The following PTPRM variants were observed in gnomAD, a reference collection of about 807,000 sequenced individuals.
PTPRM encodes the protein receptor-type tyrosine-protein phosphatase mu.
PTPRM carries 47 observed loss-of-function variants against 186.7 expected under a neutral mutation model. The ratio of observed to expected loss-of-function variants is 0.25; its 90% CI spans 0.20 to 0.32. The LOEUF (loss-of-function observed/expected upper bound fraction) is 0.32. Ranked by LOEUF, PTPRM falls within the 10% of genes least tolerant of loss-of-function variation. The pLI is 1.00. For synonymous variants in PTPRM, 668 were observed against 674.9 expected (o/e 0.99, Z 0.16); for missense variants, 1,494 against 1,865.0 (o/e 0.80, Z 3.66).
intron 14 of PTPRM, among the ~76,000 whole-genome samples, chr18:8,241,930 T>C (rs923863322): frequency 1.3e-5 from 2 of 152,320 alleles, no homozygotes; most frequent in African/African-American, 4.8e-5. Flanking sequence ...GCTTCTTTTG[T>C]GCTTAAAGAT....
intron 1 of PTPRM, among the ~76,000 whole-genome samples, chr18:7,633,792 T>C (rs2038247039): frequency 6.6e-6 from 1 of 152,210 alleles, no homozygotes; most frequent in African/African-American, 2.4e-5. Context: ...CCTGTTTCTC[T>C]CATGCCTACA....
chr18:7,716,434 C>T (rs1352602253), intron 1 of PTPRM, among the ~76,000 whole-genome samples: 1 of 152,144 alleles, frequency 6.6e-6, no homozygotes, highest in African/African-American at 2.4e-5. Flanking sequence ...TGGGCAGAGA[C>T]TTCATGAGTA....
At chr18:8,097,270 G>A (rs567891159) in intron 11 of PTPRM, among the ~76,000 whole-genome samples, 1 of 152,206 alleles carries the variant, frequency 6.6e-6, no homozygotes, top group East Asian at 1.9e-4. Flanking sequence ...TCTTCAATCA[G>A]ACAGTAGAAA....
At chr18:7,896,847 A>G (rs1434638331) in intron 3 of PTPRM, among the ~76,000 whole-genome samples, 5 of 152,148 alleles carry the variant, frequency 3.3e-5, no homozygotes, top group African/African-American at 1.2e-4. Context: ...AGTTGAGGGA[A>G]TAGGGATGAC....
chr18:7,871,652 A>G (rs56665357), intron 2 of PTPRM, among the ~76,000 whole-genome samples: 14,053 of 152,014 alleles, frequency 0.092, 975 homozygotes, highest in African/African-American at 0.2. Context: ...ATCCTGGAGG[A>G]CTCAGCTCAG....
At chr18:8,130,562 C>T (rs1381691134) in intron 13 of PTPRM, among the ~76,000 whole-genome samples, 7 of 152,158 alleles carry the variant, frequency 4.6e-5, no homozygotes, top group African/African-American at 1.7e-4. Context: ...CAGTGGGCCA[C>T]CTAAGATAAA....
At chr18:8,309,881 C>A (rs2095255090) in intron 20 of PTPRM, among the ~76,000 whole-genome samples, 2 of 152,060 alleles carry the variant, frequency 1.3e-5, no homozygotes, top group South Asian at 4.2e-4. Context: ...TATAGATAAC[C>A]ATATATAAGA....
rs531067927 is a variant in PTPRM, at chr18:7,796,597, G to A, written c.196+22326G>A. ...GTGGGCCATTCCCAGTGGTAGGGGA[G>A]CAGGCCAAATGCCACAGTCCTCTGA... On this transcript the variant is annotated intron_variant, in intron 2 of 32. Transcript: ENST00000580170. Among the ~76,000 whole-genome samples, 5 of 152,272 alleles carry A rather than the reference G, an allele frequency of 3.3e-5. No homozygotes were observed. The East Asian group carries it at 9.7e-4, about 30-fold the overall frequency.
chr18:8,144,342 C>T (rs148279814), intron 14 of PTPRM, among the ~76,000 whole-genome samples: 3 of 152,236 alleles, frequency 2.0e-5, no homozygotes, highest in East Asian at 1.9e-4. Context: ...GGCTGGGCAC[C>T]GTGGCTCATG....
At chr18:8,206,458 C>G (rs1005908748) in intron 14 of PTPRM, among the ~76,000 whole-genome samples, 8 of 152,054 alleles carry the variant, frequency 5.3e-5, no homozygotes, top group African/African-American at 1.9e-4. Flanking sequence ...CCATGTTAGC[C>G]AGAATGGTCT....
intron 1 of PTPRM, among the ~76,000 whole-genome samples, chr18:7,707,909 T>C (rs997556456): frequency 6.6e-6 from 1 of 152,230 alleles, no homozygotes; most frequent in Non-Finnish European, 1.5e-5. Context: ...GCCACTACAA[T>C]ATTTCATTTC....
intron 13 of PTPRM, among the ~76,000 whole-genome samples, chr18:8,138,451 C>T (rs1005411835): frequency 6.6e-6 from 1 of 152,134 alleles, no homozygotes; most frequent in Non-Finnish European, 1.5e-5. Flanking sequence ...CCCACCCATG[C>T]CCAGCCTGGG....
chr18:8,344,440 G>C (rs1178587193), intron 23 of PTPRM, among the ~76,000 whole-genome samples: 749 of 34,870 alleles, frequency 0.021, 5 homozygotes, highest in Non-Finnish European at 0.049. Flanking sequence ...ATGTGTGTGT[G>C]TGTGTGTGTA....
chr18:7,748,280 T>G (rs905708695), intron 1 of PTPRM, among the ~76,000 whole-genome samples: 5 of 152,252 alleles, frequency 3.3e-5, no homozygotes, highest in African/African-American at 1.2e-4. Flanking sequence ...TTAGTCACTT[T>G]GAGTTTAAAG....
At chr18:8,088,617 C>A in intron 10 of PTPRM, 132 bp from the exon 11 acceptor site, 1 of 694,204 alleles carries the variant, frequency 1.4e-6, no homozygotes. Flanking sequence ...GAAGCTTGCT[C>A]GTGGTTGTTG....
At chr18:8,119,536 A>C (rs2092092687) in intron 13 of PTPRM, among the ~76,000 whole-genome samples, 1 of 152,228 alleles carries the variant, frequency 6.6e-6, no homozygotes, top group Admixed American at 6.5e-5. Flanking sequence ...AGGAACATTA[A>C]CATTCATCGT....
chr18:8,352,632 C>CTTTTTTTTTTTTTGGTTTTTTTTTTT (rs2095540295), intron 23 of PTPRM, among the ~76,000 whole-genome samples: 1 of 130,458 alleles, frequency 7.7e-6, no homozygotes. Context: ...TTTTTCTTTT[C>CTTTTTTTTTTTTTGGTTTTTTTTTTT]TTTTTTTTTT....
At chr18:8,248,925 G>A (rs559027483) in intron 17 of PTPRM, among the ~76,000 whole-genome samples, 7 of 152,292 alleles carry the variant, frequency 4.6e-5, no homozygotes, top group South Asian at 4.1e-4. Context: ...AAAAAGTCCC[G>A]TTTGTCCAAT....
intron 7 of PTPRM, among the ~76,000 whole-genome samples, chr18:8,030,659 C>T (rs1330997489): frequency 6.6e-6 from 1 of 152,114 alleles, no homozygotes; most frequent in Non-Finnish European, 1.5e-5. Flanking sequence ...CAGATGGGAT[C>T]CCTCACATGA....
Sources: gnomAD v4.1 joint callset for allele counts (sites outside exome capture counted in the v4.1 genomes callset) on GRCh38, gnomAD v4.1.1 for gene constraint, MANE v1.5 for transcripts, NCBI Gene and HGNC (gene_info 2026-07-23, HGNC 2026-07-21) for gene names.